The following LUC7L3 variants were observed in gnomAD, a reference collection of about 807,000 sequenced individuals.
LUC7L3 encodes LUC7 like 3 pre-mRNA splicing factor, also known as luc7-like protein 3.
In LUC7L3, 6 loss-of-function variants were observed where a neutral mutation model predicts 66.8. The ratio of observed to expected loss-of-function variants is 0.09; its 90% confidence interval spans 0.05 to 0.18. LUC7L3 has a LOEUF of 0.18. Among genes scored for constraint, LUC7L3 ranks in the 10% least tolerant of loss-of-function variants. LUC7L3 has a pLI of 1.00. For missense variants in LUC7L3, 341 were observed against 531.1 expected, an observed-to-expected ratio of 0.64 and a Z score of 3.52; for synonymous variants, 160 against 174.7, an observed-to-expected ratio of 0.92 and a Z score of 0.66.
At chr17:50,742,106 A>G (rs938495687) in intron 5 of LUC7L3, among the ~76,000 whole-genome samples, 29 of 152,218 alleles carry the variant, frequency 1.9e-4, no homozygotes, top group African/African-American at 4.1e-4. Flanking sequence ...ATGTACATAT[A>G]TATGTATCTG....
chr17:50,753,231 AC>A lies in LUC7L3; in HGVS notation c.*2571del, dbSNP rs1171800647. The A allele has an allele frequency of 6.6e-6, 1 of 152,620 alleles. No individual in the cohort carries two copies. Among genetic ancestry groups the A allele is most frequent in the East Asian group, 1.9e-4 (1 of 5,206 alleles). 9.5% of individuals were successfully genotyped at this position (152,620 alleles called of 1,614,324 possible). A position where few individuals can be genotyped will look rare whatever the true frequency, so the allele number is the denominator to read the frequency against. On this transcript the variant is annotated 3_prime_UTR_variant, in exon 10 of 10. Transcript: ENST00000505658. ...TCTCCAGCTACGTATATACACACAT[AC>A]ATATATATCATAGCAATTCCTTGTG...
chr17:50,720,258 TTAAG>T (rs1183683866), intron 1 of LUC7L3, among the ~76,000 whole-genome samples: 1 of 152,216 alleles, frequency 6.6e-6, no homozygotes, highest in Non-Finnish European at 1.5e-5. Context: ...GGTATTTTAT[TTAAG>T]TAATTACAGC....
At chr17:50,727,841 C>T (rs979820060) in intron 1 of LUC7L3, among the ~76,000 whole-genome samples, 4 of 151,814 alleles carry the variant, frequency 2.6e-5, no homozygotes, top group East Asian at 3.9e-4. Flanking sequence ...CGTGGTGGCT[C>T]ACGCCAGTAA....
At chr17:50,729,910 A>G (rs1392590876) in intron 1 of LUC7L3, among the ~76,000 whole-genome samples, 4 of 27,680 alleles carry the variant, frequency 1.4e-4, no homozygotes, top group African/African-American at 3.6e-4. Context: ...ATATATATAT[A>G]TATATATATA....
chr17:50,752,437 T>C lies in LUC7L3; in HGVS notation c.*1776T>C, dbSNP rs1279091884. ...AACTTAGGTCCTGTATCATACTTTTTTCTTTAAGACTTTTTAAGAAATATT... is the reference window on the plus strand; with the variant it reads ...AACTTAGGTCCTGTATCATACTTTTCTCTTTAAGACTTTTTAAGAAATATT... On this transcript the variant is annotated 3_prime_UTR_variant, in exon 10 of 10. Coordinates refer to ENST00000505658, the MANE Select transcript of LUC7L3 (RefSeq NM_016424.5). 1 of 192,500 alleles carries C rather than the reference T, an allele frequency of 5.2e-6. No homozygotes were observed. Among genetic ancestry groups the C allele is most frequent in the Admixed American group, 6.0e-5 (1 of 16,542 alleles). 11.9% of individuals were successfully genotyped at this position (192,500 alleles called of 1,614,324 possible).
chr17:50,738,035 TA>T, intron 2 of LUC7L3: 1 of 395,462 alleles, frequency 2.5e-6, no homozygotes, highest in Non-Finnish European at 4.9e-6. Context: ...AGTAGTAAGT[TA>T]AAAAAAGAAT....
chr17:50,739,435 C>G (rs1050118628), intron 2 of LUC7L3, among the ~76,000 whole-genome samples: 5 of 152,082 alleles, frequency 3.3e-5, no homozygotes, highest in Non-Finnish European at 5.9e-5. Context: ...GCAGATCACT[C>G]GAGGTGAGGA....
At chr17:50,744,842 A>G in intron 7 of LUC7L3, 29 bp downstream of exon 7, 1 of 1,593,190 alleles carries the variant, frequency 6.3e-7, no homozygotes, top group Non-Finnish European at 8.6e-7. Flanking sequence ...TTTGAGGCAG[A>G]TTCTTGCTCT....
At chr17:50,720,182 T>C (rs1196642576) in intron 1 of LUC7L3, among the ~76,000 whole-genome samples, 6 of 152,230 alleles carry the variant, frequency 3.9e-5, no homozygotes, top group Non-Finnish European at 8.8e-5. Context: ...CATTTTTCTA[T>C]AGTTTGGGTT....
At chr17:50,745,662 A>G (rs1245804366) in intron 7 of LUC7L3, 58 bp from the exon 8 acceptor site, 9 of 1,386,288 alleles carry the variant, frequency 6.5e-6, no homozygotes, top group Non-Finnish European at 8.9e-6. Flanking sequence ...TTAGTTGACC[A>G]TTGTTTAACA....
At chr17:50,729,908 A>C (rs780636875) in intron 1 of LUC7L3, among the ~76,000 whole-genome samples, 55 of 21,694 alleles carry the variant, frequency 2.5e-3, no homozygotes, top group Non-Finnish European at 4.7e-3. Context: ...ATATATATAT[A>C]TATATATATA....
chr17:50,725,460 A>G (rs1567856387), intron 1 of LUC7L3, among the ~76,000 whole-genome samples: 2 of 152,104 alleles, frequency 1.3e-5, no homozygotes, highest in Non-Finnish European at 1.5e-5. Flanking sequence ...GCAGGATAGT[A>G]CAGATACAGC....
chr17:50,751,254 AG>A lies in LUC7L3; in HGVS notation c.*596del. ...AGTAGCATTGGATTGATGGAAGTGT[AG>A]GGTTTATGAATTATTGCAGCTGACT... On this transcript the variant is annotated 3_prime_UTR_variant, in exon 10 of 10. Coordinates refer to ENST00000505658, the MANE Select transcript of LUC7L3 (RefSeq NM_016424.5). The A allele has an allele frequency of 7.3e-7, 1 of 1,365,580 alleles. No individual in the cohort carries two copies. Among genetic ancestry groups the A allele is most frequent in the Non-Finnish European group, 9.6e-7 (1 of 1,039,128 alleles). The allele number at this position is 1,365,580 out of a possible 1,614,324, so 84.6% of individuals were successfully genotyped here. A position where few individuals can be genotyped will look rare whatever the true frequency, so the allele number is the denominator to read the frequency against.
rs1263768936 is a variant in LUC7L3, at chr17:50,751,020, A to G, written c.*359A>G. ...TTTTTTTTTTTAATAAAAAGGTTGA[A>G]CTGTTTTTTTTTTTCTTTTTGGTAT... is the stretch of plus-strand genomic sequence containing the variant. On this transcript the variant is annotated 3_prime_UTR_variant, in exon 10 of 10. Transcript: ENST00000505658. The G allele has an allele frequency of 7.0e-7, 1 of 1,423,116 alleles. No homozygotes were observed. The highest frequency in any genetic ancestry group is 3.0e-5 in the Admixed American group (1 of 33,032). 88.2% of individuals were successfully genotyped at this position (1,423,116 alleles called of 1,614,324 possible).
rs564535929 is a variant in LUC7L3 at position 50,740,292 on chromosome 17, A to AT, written c.167-8dup. 5 of 1,584,798 alleles carry AT rather than the reference A, an allele frequency of 3.2e-6. No homozygotes were observed. The South Asian group carries it at 4.6e-5, about 15-fold the overall frequency. On this transcript the variant is annotated splice_polypyrimidine_tract_variant and intron_variant, in intron 2 of 9. Transcript: ENST00000505658. The stretch of plus-strand genomic sequence containing the variant: ...AATCACAGATAATTTATACAATTAT[A>AT]TTTTTTCCCCCAGGTCCGTGTGAAA...
intron 1 of LUC7L3, among the ~76,000 whole-genome samples, chr17:50,724,614 TGTGTG>T (rs1567855556): frequency 3.5e-5 from 1 of 28,482 alleles, no homozygotes; most frequent in South Asian, 9.9e-4. Flanking sequence ...AGGAAAATTG[TGTGTG>T]TGTGTGTGTG....
chr17:50,731,014 T>C (rs1332195711), intron 1 of LUC7L3, among the ~76,000 whole-genome samples: 1 of 150,646 alleles, frequency 6.6e-6, no homozygotes, highest in Non-Finnish European at 1.5e-5. Flanking sequence ...ATTAAGAGGA[T>C]AAGTTATGAT....
At chr17:50,739,901 G>C (rs1970237688) in intron 2 of LUC7L3, among the ~76,000 whole-genome samples, 1 of 152,152 alleles carries the variant, frequency 6.6e-6, no homozygotes, top group African/African-American at 2.4e-5. Flanking sequence ...AAGAAGTAGG[G>C]GTTAGGTACT....
At position 50,746,669 on chromosome 17, in the gene LUC7L3, G is replaced by A. The variant is rs370778632; in HGVS notation, c.1105G>A (p.Asp369Asn). 3.1e-6 allele frequency: 5 copies of A among 1,613,700 alleles called. No homozygotes were observed. In the African/African-American group the frequency reaches 4.0e-5, roughly 13 times the overall value. The change falls in exon 9 of 10, where the codon GAC (aspartate) becomes AAC (asparagine). Residue 369 changes from aspartate to asparagine, a missense_variant. Asp to Asn is a conservative substitution (Grantham distance 23). Coordinates refer to ENST00000505658, the MANE Select transcript of LUC7L3 (RefSeq NM_016424.5). ...ATATAAGCACAGGAGCAAAAGTCGG[G>A]ACAGAGAACAAGATAGAAAATCCAA... ...KSYKHRSKSR[D>N]REQDRKSKEK...
Sources: gnomAD v4.1 joint callset for allele counts (sites outside exome capture counted in the v4.1 genomes callset) on GRCh38, gnomAD v4.1.1 for gene constraint, MANE v1.5 for transcripts, NCBI Gene and HGNC (gene_info 2026-07-23, HGNC 2026-07-21) for gene names.